ADAT2: variants seen among roughly 807,000 people sequenced by gnomAD.
ADAT2 encodes tRNA-specific adenosine-34 deaminase catalytic subunit ADAT2.
Under a neutral mutation model 25.9 loss-of-function variants are expected in ADAT2, and 26 were observed. The observed-to-expected ratio is 1.00, with a 90% CI of 0.74 to 1.39. ADAT2 has a LOEUF of 1.39. Ranked by LOEUF, ADAT2 falls within the 40% of genes most tolerant of loss-of-function variation. The pLI is 0.00. For missense variants in ADAT2, 220 were observed against 244.8 expected (o/e 0.90, Z 0.68); for synonymous variants, 76 against 86.8 (o/e 0.88, Z 0.69).
intron 1 of ADAT2, among the ~76,000 whole-genome samples, chr6:143,438,950 C>T (rs1220066493): frequency 2.0e-5 from 3 of 152,216 alleles, no homozygotes; most frequent in Admixed American, 6.5e-5. Context: ...TGGAAATAGA[C>T]GTGATCAAAG....
rs1446847042 is a variant in ADAT2 at position 143,437,968 on chromosome 6, C to T, written c.201+622G>A. ...TTGAACCATGAACTTCCCAACCTAA[C>T]CACAATAAAAGTCATACAAGCTATT... is the stretch of plus-strand genomic sequence containing the variant. On this transcript the variant is annotated intron_variant, in intron 2 of 5. Transcript: ENST00000237283. This position sits in a 1 kb window ranked among gnomAD's most constrained non-coding sequence, Gnocchi z 4.1. 6.6e-6 allele frequency among the ~76,000 whole-genome samples: 1 copy of T among 152,126 alleles called. No individual in the cohort carries two copies. The highest frequency in any genetic ancestry group is 1.5e-5 in the Non-Finnish European group (1 of 68,028).
At chr6:143,438,203 T>G (rs1197969258) in intron 2 of ADAT2, among the ~76,000 whole-genome samples, 2 of 152,200 alleles carry the variant, frequency 1.3e-5, no homozygotes, top group Admixed American at 1.3e-4. Context: ...ATTGACCTAT[T>G]TTATAAAATG....
rs1380246106 is a variant in ADAT2, at chr6:143,437,161, C to T, written c.201+1429G>A. Among the ~76,000 whole-genome samples, 1 of 152,120 alleles carries T rather than the reference C, an allele frequency of 6.6e-6. No individual in the cohort carries two copies. Among genetic ancestry groups the T allele is most frequent in the Non-Finnish European group, 1.5e-5 (1 of 68,018 alleles). The stretch of plus-strand genomic sequence containing the variant: ...AATCTGAATTGTCCAACTACTTTGT[C>T]GGAACAGTTCCTATTGATTGGAACT... On this transcript the variant is annotated intron_variant, in intron 2 of 5. Transcript: ENST00000237283. This position sits in a 1 kb window ranked among gnomAD's most constrained non-coding sequence, Gnocchi z 4.1.
chr6:143,439,531 G>A (rs1290430813), intron 1 of ADAT2, among the ~76,000 whole-genome samples: 1 of 152,148 alleles, frequency 6.6e-6, no homozygotes, highest in Admixed American at 6.5e-5. Flanking sequence ...CTGATACTGT[G>A]ACAACATGGA....
rs1386870962 is a variant in ADAT2, at chr6:143,426,381, CT to C, written c.*2081del. ...ACCCTCAGTGGTCCTGCCCTCCAAT[CT>C]GCAGTATGCCATATTAATGATTTTC... On this transcript the variant is annotated 3_prime_UTR_variant, in exon 6 of 6. Coordinates refer to ENST00000237283, the MANE Select transcript of ADAT2 (RefSeq NM_182503.3). This position sits in a 1 kb window ranked among gnomAD's most constrained non-coding sequence, Gnocchi z 4.1. 1 of 152,220 alleles carries C rather than the reference CT, an allele frequency of 6.6e-6. No individual in the cohort carries two copies. The highest frequency in any genetic ancestry group is 1.5e-5 in the Non-Finnish European group (1 of 68,038). 9.4% of individuals were successfully genotyped at this position (152,220 alleles called of 1,614,324 possible).
In ADAT2 at chr6:143,444,256, T is replaced by A. The variant is rs937964778; in HGVS notation, c.97-5562A>T. Among the ~76,000 whole-genome samples the A allele has an allele frequency of 1.3e-5, 2 of 152,144 alleles. No homozygotes were observed. Among genetic ancestry groups the A allele is most frequent in the African/African-American group, 4.8e-5 (2 of 41,432 alleles). On this transcript the variant is annotated intron_variant, in intron 1 of 5. Transcript: ENST00000237283. The surrounding 1 kb of genome is among the most constrained non-coding windows in gnomAD (Gnocchi z 4.3). ...AGAGAGCAAATATGAGCGATCGGAA[T>A]ATTTTAAAAGGACAAATAACGTCAT...
At position 143,429,721 on chromosome 6, in the gene ADAT2, A is replaced by G. The variant is rs572928090; in HGVS notation, c.460-1037T>C. On this transcript the variant is annotated intron_variant, in intron 4 of 5. Coordinates refer to ENST00000237283, the MANE Select transcript of ADAT2 (RefSeq NM_182503.3). ...AAAACCAAGCACCCTTCTGAAGTGCATGAAGTGACACAATGAGCATCTGGA... is the reference window on the plus strand; with the variant it reads ...AAAACCAAGCACCCTTCTGAAGTGCGTGAAGTGACACAATGAGCATCTGGA... Among the ~76,000 whole-genome samples the G allele has an allele frequency of 4.6e-5, 7 of 152,324 alleles. No individual in the cohort carries two copies. In the South Asian group the frequency reaches 8.3e-4, roughly 18 times the overall value.
At chr6:143,429,401 G>A (rs1053589076) in intron 4 of ADAT2, among the ~76,000 whole-genome samples, 1 of 152,102 alleles carries the variant, frequency 6.6e-6, no homozygotes, top group African/African-American at 2.4e-5. Flanking sequence ...GCATCTAACT[G>A]GGGAAAAGAA....
chr6:143,445,994 G>T (rs1199210614), intron 1 of ADAT2, among the ~76,000 whole-genome samples: 1 of 150,470 alleles, frequency 6.6e-6, no homozygotes, highest in Non-Finnish European at 1.5e-5. Context: ...TAGATAGTTA[G>T]TCAATCTTTC....
intron 2 of ADAT2, among the ~76,000 whole-genome samples, chr6:143,438,239 A>T (rs1435673727): frequency 1.3e-5 from 2 of 152,236 alleles, no homozygotes; most frequent in Admixed American, 1.3e-4. Context: ...AGATTGGCTT[A>T]AAGTAGAGAC....
Position 143,432,709 on chromosome 6 carries a change from C to T in ADAT2, c.353-98G>A, listed in dbSNP as rs955527126. 1 of 1,082,582 alleles carries T rather than the reference C, an allele frequency of 9.2e-7. No homozygotes were observed. The highest frequency in any genetic ancestry group is 1.4e-6 in the Non-Finnish European group (1 of 712,574). 67.1% of individuals were successfully genotyped at this position (1,082,582 alleles called of 1,614,324 possible). A position where few individuals can be genotyped will look rare whatever the true frequency, so the allele number is the denominator to read the frequency against. ...ATACCAGCCATCCTGGAGAGGAACG[C>T]TCATGCTACTCTTCAAACCAGTGAA... On this transcript the variant is annotated intron_variant, in intron 3 of 5. Coordinates refer to ENST00000237283, the MANE Select transcript of ADAT2 (RefSeq NM_182503.3). This position sits in a 1 kb window ranked among gnomAD's most constrained non-coding sequence, Gnocchi z 4.4.
At chr6:143,438,348 C>T (rs1276917050) in intron 2 of ADAT2, among the ~76,000 whole-genome samples, 1 of 152,110 alleles carries the variant, frequency 6.6e-6, no homozygotes, top group African/African-American at 2.4e-5. Flanking sequence ...GAAAATTATT[C>T]ACTAAGATTT....
chr6:143,429,344 T>A (rs2128738448), intron 4 of ADAT2, among the ~76,000 whole-genome samples: 1 of 152,354 alleles, frequency 6.6e-6, no homozygotes, highest in African/African-American at 2.4e-5. Flanking sequence ...TATCAACCCT[T>A]GCTACAGAGG....
At chr6:143,433,658 T>C (rs1779180731) in intron 3 of ADAT2, among the ~76,000 whole-genome samples, 173 bp downstream of exon 3, 1 of 151,140 alleles carries the variant, frequency 6.6e-6, no homozygotes, top group South Asian at 2.1e-4. Flanking sequence ...TGAAAAGAAA[T>C]AGGTCATTTT....
intron 4 of ADAT2, among the ~76,000 whole-genome samples, chr6:143,429,553 A>C (rs1186466265): frequency 1.3e-5 from 2 of 152,230 alleles, no homozygotes; most frequent in Admixed American, 1.3e-4. Context: ...ATTTCAGGGA[A>C]AGGGCAAGAA....
In ADAT2 at chr6:143,423,300, C is replaced by T. The variant is rs1050111219; in HGVS notation, c.*5163G>A. On this transcript the variant is annotated 3_prime_UTR_variant, in exon 6 of 6. Coordinates refer to ENST00000237283, the MANE Select transcript of ADAT2 (RefSeq NM_182503.3). ...TCCAATGTAACTTTATTTATGGACA[C>T]TGAAATTTGATTGCCATATAAGGTT... The T allele has an allele frequency of 1.3e-5, 2 of 152,180 alleles. No homozygotes were observed. The highest frequency in any genetic ancestry group is 2.1e-4 in the South Asian group (1 of 4,828). The allele number at this position is 152,180 out of a possible 1,614,324, so 9.4% of individuals were successfully genotyped here.
At chr6:143,443,424 A>G (rs1268798274) in intron 1 of ADAT2, among the ~76,000 whole-genome samples, 2 of 152,172 alleles carry the variant, frequency 1.3e-5, no homozygotes, top group African/African-American at 2.4e-5. Flanking sequence ...AGAGTGAGAC[A>G]TGGAAATTTT....
rs1028485262 is a variant in ADAT2, at chr6:143,424,246, T to G, written c.*4217A>C. On this transcript the variant is annotated 3_prime_UTR_variant, in exon 6 of 6. Transcript: ENST00000237283. This position sits in a 1 kb window ranked among gnomAD's most constrained non-coding sequence, Gnocchi z 4.8. The stretch of plus-strand genomic sequence containing the variant: ...TGAAGTCAATGTAGTCTTATTCCTT[T>G]GCCAAAAGGCAGAGAAACCAATTCC... 6.6e-6 allele frequency: 1 copy of G among 152,224 alleles called. No individual in the cohort carries two copies. Among genetic ancestry groups the G allele is most frequent in the Non-Finnish European group, 1.5e-5 (1 of 68,040 alleles). The allele number at this position is 152,224 out of a possible 1,614,324, so 9.4% of individuals were successfully genotyped here.
chr6:143,440,363 A>C lies in ADAT2; in HGVS notation c.97-1669T>G, dbSNP rs550194035. 6.6e-6 allele frequency among the ~76,000 whole-genome samples: 1 copy of C among 152,308 alleles called. No individual in the cohort carries two copies. Among genetic ancestry groups the C allele is most frequent in the South Asian group, 2.1e-4 (1 of 4,822 alleles). On this transcript the variant is annotated intron_variant, in intron 1 of 5. Transcript: ENST00000237283. The surrounding 1 kb of genome is among the most constrained non-coding windows in gnomAD (Gnocchi z 4.5). The stretch of plus-strand genomic sequence containing the variant: ...AGTTCTACTTTATTTAACTAGTGAC[A>C]ACTTCCTATTATAAGGCATACAGGA...
Sources: gnomAD v4.1 joint callset for allele counts (sites outside exome capture counted in the v4.1 genomes callset) on GRCh38, gnomAD v4.1.1 for gene constraint, Gnocchi (gnomAD v3.1) non-coding constraint, MANE v1.5 for transcripts, NCBI Gene and HGNC (gene_info 2026-07-23, HGNC 2026-07-21) for gene names.